SLC1A1: variants seen among roughly 807,000 people sequenced by gnomAD.
SLC1A1 encodes the protein excitatory amino acid transporter 3.
In SLC1A1, 43 loss-of-function variants were observed where a neutral mutation model predicts 53.3. That is an observed-to-expected ratio of 0.81 (90% CI 0.63 to 1.04). SLC1A1 has a LOEUF of 1.04. Ranked by LOEUF, SLC1A1 falls within the 50% of genes least tolerant of loss-of-function variation. The probability of loss-of-function intolerance (pLI) is 0.00; values close to 1 mark genes in which losing one functional copy is unlikely to be tolerated. For synonymous variants in SLC1A1, 307 were observed against 243.2 expected (o/e 1.26, Z -2.44); for missense variants, 748 against 664.9 (o/e 1.12, Z -1.37).
intron 2 of SLC1A1, chr9:4,553,842 A>T (rs1468509454): frequency 1.3e-5 from 2 of 152,182 alleles, no homozygotes; most frequent in African/African-American, 4.8e-5. Context: ...CTCTAAGAAA[A>T]GTAGATGTCA....
chr9:4,541,832 C>A (rs1164782687), intron 1 of SLC1A1, among the ~76,000 whole-genome samples: 1 of 152,210 alleles, frequency 6.6e-6, no homozygotes, highest in African/African-American at 2.4e-5. Flanking sequence ...GCAGTTATTC[C>A]TAGCAGCCTT....
At chr9:4,584,331 C>T (rs1472243763) in intron 11 of SLC1A1, among the ~76,000 whole-genome samples, 1 of 152,230 alleles carries the variant, frequency 6.6e-6, no homozygotes, top group Non-Finnish European at 1.5e-5. Flanking sequence ...CAAAGATATC[C>T]TATCATTGAG....
intron 1 of SLC1A1, among the ~76,000 whole-genome samples, chr9:4,500,347 C>T (rs780766898): frequency 3.3e-5 from 5 of 152,128 alleles, no homozygotes; most frequent in Admixed American, 6.5e-5. Context: ...CTCACTCTGT[C>T]ACCCAGGCTG....
chr9:4,504,289 C>G, intron 1 of SLC1A1, among the ~76,000 whole-genome samples: 1 of 152,178 alleles, frequency 6.6e-6, no homozygotes, highest in East Asian at 1.9e-4. Context: ...TTACACCATT[C>G]ATTGAATTTA....
chr9:4,522,042 C>CTTTTTTTTTT lies in SLC1A1; in HGVS notation c.92-22523_92-22514dup, dbSNP rs796721359. On this transcript the variant is annotated intron_variant, in intron 1 of 11. Transcript: ENST00000262352. ...ACTTCTAATGAATCAGAACCTGCCT[C>CTTTTTTTTTT]TTTTTTTTTTTCTTTTTTTTTTTTT... is the stretch of plus-strand genomic sequence containing the variant. Among the ~76,000 whole-genome samples, 83 of 88,504 alleles carry CTTTTTTTTTT rather than the reference C, an allele frequency of 9.4e-4. 1 individual carries two copies. Among genetic ancestry groups the CTTTTTTTTTT allele is most frequent in the African/African-American group, 3.2e-3 (81 of 25,590 alleles). The allele number at this position is 88,504 out of a possible 152,430, so 58.1% of individuals were successfully genotyped here. A position where few individuals can be genotyped will look rare whatever the true frequency, so the allele number is the denominator to read the frequency against.
At chr9:4,535,851 C>T (rs1816654566) in intron 1 of SLC1A1, among the ~76,000 whole-genome samples, 2 of 152,052 alleles carry the variant, frequency 1.3e-5, no homozygotes, top group South Asian at 4.2e-4. Flanking sequence ...GTACTGGTGC[C>T]AAAACAGAGA....
chr9:4,552,312 G>T (rs1201110385), intron 2 of SLC1A1, among the ~76,000 whole-genome samples: 1 of 152,178 alleles, frequency 6.6e-6, no homozygotes, highest in Non-Finnish European at 1.5e-5. Flanking sequence ...CACTTTCTGG[G>T]AATGAGGTCA....
intron 8 of SLC1A1, among the ~76,000 whole-genome samples, chr9:4,574,895 C>T (rs935706498): frequency 3.9e-5 from 6 of 152,156 alleles, no homozygotes; most frequent in African/African-American, 1.4e-4. Flanking sequence ...CACAGCCCTG[C>T]CAGCCAACAC....
rs546413143 is a variant in SLC1A1, at chr9:4,514,947, A to T, written c.91+24177A>T. Among the ~76,000 whole-genome samples the T allele has an allele frequency of 7.9e-5, 12 of 151,892 alleles. No homozygotes were observed. The South Asian group carries it at 2.5e-3, about 32-fold the overall frequency. On this transcript the variant is annotated intron_variant, in intron 1 of 11. Transcript: ENST00000262352. Reference sequence around the variant, plus strand: ...CATTACAGTGTAAAGGCCATCACTCACTTGTCTTCTGACTGGGCTGGCAGG... The same window carrying T: ...CATTACAGTGTAAAGGCCATCACTCTCTTGTCTTCTGACTGGGCTGGCAGG...
chr9:4,500,643 A>G (rs1820600500), intron 1 of SLC1A1, among the ~76,000 whole-genome samples: 1 of 152,148 alleles, frequency 6.6e-6, no homozygotes, highest in African/African-American at 2.4e-5. Context: ...TTAATACATT[A>G]TACTTGCTGA....
rs552005556 is a variant in SLC1A1 at position 4,537,598 on chromosome 9, TAAAAA to T, written c.92-6959_92-6955del. Among the ~76,000 whole-genome samples the T allele has an allele frequency of 1.3e-4, 16 of 124,996 alleles. 4 individuals carry two copies. The highest frequency in any genetic ancestry group is 3.1e-4 in the African/African-American group (10 of 32,394). 82.0% of individuals were successfully genotyped at this position (124,996 alleles called of 152,430 possible). A position where few individuals can be genotyped will look rare whatever the true frequency, so the allele number is the denominator to read the frequency against. On this transcript the variant is annotated intron_variant, in intron 1 of 11. Transcript: ENST00000262352. The stretch of plus-strand genomic sequence containing the variant: ...TAAAATAAAATAAAATAAAATAAAA[TAAAAA>T]AAAAAAAAATCACATGCTACAACAT...
chr9:4,558,272 C>T (rs1818611474), intron 2 of SLC1A1, among the ~76,000 whole-genome samples: 1 of 152,222 alleles, frequency 6.6e-6, no homozygotes, highest in Non-Finnish European at 1.5e-5. Context: ...ACAGCCTGGA[C>T]TTGGGGGCCA....
rs1051340877 is a variant in SLC1A1 at position 4,528,554 on chromosome 9, A to C, written c.92-16013A>C. On this transcript the variant is annotated intron_variant, in intron 1 of 11. Transcript: ENST00000262352. ...TCACGCCACTGCACTCCAGCCTGGG[A>C]GACAGAGCAGGACTCCGTCTCAAAA... Among the ~76,000 whole-genome samples the C allele has an allele frequency of 1.7e-4, 26 of 152,140 alleles. 1 individual carries two copies. The highest frequency in any genetic ancestry group is 9.7e-4 in the East Asian group (5 of 5,166).
Position 4,585,502 on chromosome 9 carries a change from G to C in SLC1A1, c.1519G>C (p.Gly507Arg). The C allele has an allele frequency of 6.2e-7, 1 of 1,614,208 alleles. No homozygotes were observed. Among genetic ancestry groups the C allele is most frequent in the Non-Finnish European group, 8.5e-7 (1 of 1,180,034 alleles). Residue 507 changes from glycine to arginine, a missense_variant, in exon 12 of 12, where the codon GGC becomes CGC. Transcript: ENST00000262352. The stretch of plus-strand genomic sequence containing the variant: ...CACCAAGAAGTCTTATGTCAATGGA[G>C]GCTTTGCAGTAGACAAGTCTGACAC... Reference protein sequence around the residue: ...SDTKKSYVNGGFAVDKSDTIS... With the variant: ...SDTKKSYVNGRFAVDKSDTIS...
At chr9:4,577,055 A>C (rs1266295209) in intron 10 of SLC1A1, among the ~76,000 whole-genome samples, 1 of 152,188 alleles carries the variant, frequency 6.6e-6, no homozygotes, top group Non-Finnish European at 1.5e-5. Context: ...CTTTCAAACT[A>C]TCCCTGCTAG....
intron 1 of SLC1A1, among the ~76,000 whole-genome samples, chr9:4,519,033 T>A (rs1215031332): frequency 6.6e-6 from 1 of 152,222 alleles, no homozygotes; most frequent in East Asian, 1.9e-4. Flanking sequence ...TCCAACCCCT[T>A]TCAGCTGTAT....
chr9:4,579,617 G>C (rs1175782698), intron 10 of SLC1A1, among the ~76,000 whole-genome samples: 1 of 152,228 alleles, frequency 6.6e-6, no homozygotes, highest in African/African-American at 2.4e-5. Context: ...TACTGGCCCA[G>C]AGCCAATAAC....
chr9:4,516,373 C>G (rs960568756), intron 1 of SLC1A1, among the ~76,000 whole-genome samples: 1 of 152,290 alleles, frequency 6.6e-6, no homozygotes, highest in East Asian at 1.9e-4. Context: ...TGTGGCAGAG[C>G]CAGAATGGCT....
chr9:4,554,833 G>C (rs967400044), intron 2 of SLC1A1, among the ~76,000 whole-genome samples: 1 of 152,204 alleles, frequency 6.6e-6, no homozygotes, highest in Non-Finnish European at 1.5e-5. Context: ...ATGAATGAGG[G>C]AGGGAATGAA....
Sources: allele counts gnomAD v4.1 joint callset (sites outside exome capture counted in the v4.1 genomes callset), GRCh38; gene constraint gnomAD v4.1.1; transcripts MANE v1.5; gene names NCBI Gene and HGNC (gene_info 2026-07-23, HGNC 2026-07-21).